The following PPARG variants were observed in gnomAD, a reference collection of about 807,000 sequenced individuals.
PPARG encodes the protein peroxisome proliferator activated receptor gamma, also known as peroxisome proliferator-activated receptor gamma.
PPARG carries 17 observed loss-of-function variants against 39.2 expected under a neutral mutation model. The ratio of observed to expected loss-of-function variants is 0.43; its 90% confidence interval spans 0.30 to 0.65. The LOEUF is 0.65. Among genes scored for constraint, PPARG ranks in the 30% least tolerant of loss-of-function variants. PPARG has a pLI of 0.13. For missense variants in PPARG, 406 were observed against 585.9 expected (o/e 0.69, Z 3.17); for synonymous variants, 223 against 215.7 (o/e 1.03, Z -0.30).
At chr3:12,332,857 C>A (rs915162600) in intron 2 of PPARG, among the ~76,000 whole-genome samples, 22 of 151,944 alleles carry the variant, frequency 1.4e-4, no homozygotes, top group Admixed American at 1.3e-4. Context: ...ATAGTGAGAC[C>A]CCATCTCTAC....
upstream of PPARG, chr3:12,287,408 C>G (rs1387351588): frequency 6.6e-6 from 1 of 152,242 alleles, no homozygotes; most frequent in Non-Finnish European, 1.5e-5. Flanking sequence ...TGCAGCACCA[C>G]CGATCAGAAG....
chr3:12,336,586 A>C (rs1020532468), intron 2 of PPARG, among the ~76,000 whole-genome samples: 2 of 152,228 alleles, frequency 1.3e-5, no homozygotes, highest in African/African-American at 4.8e-5. Context: ...AATTAATTTT[A>C]TCTACTCTAG....
At chr3:12,412,379 T>C (rs1375145962) in intron 6 of PPARG, among the ~76,000 whole-genome samples, 1 of 152,230 alleles carries the variant, frequency 6.6e-6, no homozygotes, top group Non-Finnish European at 1.5e-5. Flanking sequence ...TAATTGAATT[T>C]ACTCATCTAT....
chr3:12,327,703 G>A (rs947344713), intron 2 of PPARG, among the ~76,000 whole-genome samples: 5 of 152,110 alleles, frequency 3.3e-5, no homozygotes, highest in Admixed American at 2.6e-4. Flanking sequence ...TTGTTCTGTA[G>A]GACAGTTGAC....
chr3:12,326,409 T>C (rs373145341), intron 2 of PPARG, among the ~76,000 whole-genome samples: 7 of 152,208 alleles, frequency 4.6e-5, no homozygotes, highest in African/African-American at 1.7e-4. Flanking sequence ...GTTACAGCTG[T>C]AATAAAATCA....
At chr3:12,371,748 G>A in intron 2 of PPARG, 2 of 528,078 alleles carry the variant, frequency 3.8e-6, no homozygotes, top group East Asian at 9.1e-5. Context: ...CGTCCAGTCA[G>A]CCTCTAGCTC....
chr3:12,312,068 G>A (rs544007608), intron 1 of PPARG, among the ~76,000 whole-genome samples: 25 of 152,308 alleles, frequency 1.6e-4, no homozygotes, highest in African/African-American at 5.5e-4. Context: ...ATGGAAAGGG[G>A]CTTCATTCAT....
chr3:12,304,218 G>A (rs959580425), intron 1 of PPARG, among the ~76,000 whole-genome samples: 3 of 152,284 alleles, frequency 2.0e-5, no homozygotes, highest in South Asian at 2.1e-4. Context: ...TCTTGCCCCC[G>A]TGATGTCATA....
intron 6 of PPARG, among the ~76,000 whole-genome samples, chr3:12,411,553 GA>G (rs1269428964): frequency 6.6e-6 from 1 of 152,148 alleles, no homozygotes; most frequent in East Asian, 1.9e-4. Context: ...AGGAAAAAAA[GA>G]AGTGGGGAAG....
chr3:12,356,595 G>C (rs2048673289), intron 2 of PPARG, among the ~76,000 whole-genome samples: 1 of 152,132 alleles, frequency 6.6e-6, no homozygotes, highest in South Asian at 2.1e-4. Context: ...TTGCCATCCA[G>C]TGCAAACTGC....
At chr3:12,347,703 A>T (rs780672774) in intron 2 of PPARG, among the ~76,000 whole-genome samples, 1 of 152,174 alleles carries the variant, frequency 6.6e-6, no homozygotes, top group Non-Finnish European at 1.5e-5. Flanking sequence ...TTTACATCTT[A>T]TTGAAACAAG....
chr3:12,324,209 G>A (rs139658362), intron 2 of PPARG, among the ~76,000 whole-genome samples: 3,141 of 152,098 alleles, frequency 0.021, 127 homozygotes, highest in African/African-American at 0.072. Flanking sequence ...AACCCAGGAG[G>A]TGGAGGTTGT....
At chr3:12,289,717 A>G (rs964551154) in intron 1 of PPARG, among the ~76,000 whole-genome samples, 1 of 152,220 alleles carries the variant, frequency 6.6e-6, no homozygotes, top group Non-Finnish European at 1.5e-5. Flanking sequence ...CCTTTCTGGT[A>G]TAGGGACTGG....
chr3:12,416,775 C>G lies in PPARG; in HGVS notation c.801C>G (p.Pro267=), dbSNP rs13306747. 2,627 of 1,614,044 alleles carry G rather than the reference C, an allele frequency of 1.6e-3. 56 individuals carry two copies. In the East Asian group the frequency reaches 0.051, roughly 31 times the overall value. The change falls in exon 7 of 8, where the codon CCC becomes CCG. Residue 267 remains proline, a synonymous_variant. Transcript: ENST00000651735. ...EDKIKFKHIT[P]LQEQSKEVAI... is the part of the protein sequence containing the mutation. ...AAATCAAGTTCAAACACATCACCCC[C>G]CTGCAGGAGCAGAGCAAAGAGGTGG...
chr3:12,390,760 T>C (rs943735912), intron 4 of PPARG, among the ~76,000 whole-genome samples: 2 of 148,378 alleles, frequency 1.3e-5, no homozygotes, highest in Admixed American at 6.8e-5. Context: ...TCCTTCCATC[T>C]CAGCCGCCAG....
chr3:12,416,672 A>G (rs781264341), intron 6 of PPARG, 32 bp from the exon 7 acceptor site: 41 of 1,593,608 alleles, frequency 2.6e-5, no homozygotes, highest in Middle Eastern at 1.7e-4. Flanking sequence ...GAAATCTCCA[A>G]GTCATCCACG....
At chr3:12,287,739 T>A (rs1197022584), upstream of PPARG, 2 of 149,714 alleles carry the variant, frequency 1.3e-5, no homozygotes, top group Admixed American at 6.6e-5. Flanking sequence ...TGGGCCCTAC[T>A]GTGCGCGGGC....
intron 4 of PPARG, among the ~76,000 whole-genome samples, chr3:12,384,500 G>C (rs2049802310): frequency 6.6e-6 from 1 of 152,106 alleles, no homozygotes; most frequent in Non-Finnish European, 1.5e-5. Flanking sequence ...CAGATACTAT[G>C]TGAGGTACAT....
intron 2 of PPARG, among the ~76,000 whole-genome samples, chr3:12,349,016 C>T (rs768586869): frequency 6.6e-6 from 1 of 152,172 alleles, no homozygotes; most frequent in Non-Finnish European, 1.5e-5. Context: ...ATACTGTTTA[C>T]TGGTAGTAAT....
Sources: gnomAD v4.1 joint callset for allele counts (sites outside exome capture counted in the v4.1 genomes callset) on GRCh38, gnomAD v4.1.1 for gene constraint, MANE v1.5 for transcripts, NCBI Gene and HGNC (gene_info 2026-07-23, HGNC 2026-07-21) for gene names.